The following NSRP1 variants were observed in gnomAD, a reference collection of about 807,000 sequenced individuals.
The protein encoded by NSRP1 is coiled-coil domain containing 55.
A neutral mutation model predicts 54.7 loss-of-function variants in NSRP1; 24 were observed. The observed-to-expected ratio is 0.44, with a 90% CI of 0.32 to 0.62. The LOEUF (loss-of-function observed/expected upper bound fraction) is 0.62, where lower values mean the gene tolerates loss of function less well. Ranked by LOEUF, NSRP1 falls within the 20% of genes least tolerant of loss-of-function variation. The probability of loss-of-function intolerance (pLI) is 0.06; values close to 1 mark genes in which losing one functional copy is unlikely to be tolerated. For missense variants in NSRP1, 596 were observed against 651.2 expected, an observed-to-expected ratio of 0.92 and a Z score of 0.92; for synonymous variants, 210 against 213.8, an observed-to-expected ratio of 0.98 and a Z score of 0.15.
intron 2 of NSRP1, among the ~76,000 whole-genome samples, chr17:30,136,193 T>C (rs1156696906): frequency 6.6e-6 from 1 of 152,062 alleles, no homozygotes. Flanking sequence ...AAAAGAGTAT[T>C]GGGTATGATA....
intron 2 of NSRP1, among the ~76,000 whole-genome samples, chr17:30,134,038 ACT>A (rs2071726326): frequency 6.6e-6 from 1 of 152,110 alleles, no homozygotes; most frequent in South Asian, 2.1e-4. Context: ...GAAACCTGCT[ACT>A]CTTTCTTTCA....
At chr17:30,138,923 T>TTTTG (rs2071776350) in intron 2 of NSRP1, among the ~76,000 whole-genome samples, 1 of 131,230 alleles carries the variant, frequency 7.6e-6, no homozygotes, top group Non-Finnish European at 1.7e-5. Context: ...TTTTTTTTTT[T>TTTTG]TTTTTTTTTT....
intron 2 of NSRP1, among the ~76,000 whole-genome samples, chr17:30,152,903 C>CTTTTTTTTTTTTT (rs60246615): frequency 1.9e-4 from 9 of 46,920 alleles, no homozygotes; most frequent in Non-Finnish European, 2.3e-4. Context: ...TTATTTTCAG[C>CTTTTTTTTTTTTT]TTTTTTTTTT....
intron 2 of NSRP1, among the ~76,000 whole-genome samples, chr17:30,158,985 T>G (rs1904416060): frequency 6.6e-6 from 1 of 152,240 alleles, no homozygotes; most frequent in Admixed American, 6.5e-5. Context: ...TTGTTTGTTC[T>G]AGTTCTGTGA....
intron 6 of NSRP1, among the ~76,000 whole-genome samples, chr17:30,182,350 G>GTAAA (rs1284625553): frequency 6.6e-6 from 1 of 152,122 alleles, no homozygotes; most frequent in African/African-American, 2.4e-5. Context: ...TTAATTTAAA[G>GTAAA]TAAATAAAGT....
chr17:30,167,049 C>G (rs1216041405), intron 2 of NSRP1, among the ~76,000 whole-genome samples: 3 of 152,138 alleles, frequency 2.0e-5, no homozygotes, highest in African/African-American at 7.2e-5. Context: ...CCTCACTTAC[C>G]CTTCCCAGTC....
intron 2 of NSRP1, among the ~76,000 whole-genome samples, chr17:30,135,279 C>T (rs1206959801): frequency 6.6e-6 from 1 of 151,834 alleles, no homozygotes; most frequent in East Asian, 1.9e-4. Context: ...CCACCATGCC[C>T]AGCTAATTTT....
rs1206676661 is a variant in NSRP1, at chr17:30,179,192, G to C, written c.403G>C (p.Gly135Arg). 6.2e-7 allele frequency: 1 copy of C among 1,611,484 alleles called. No homozygotes were observed. The highest frequency in any genetic ancestry group is 1.1e-5 in the South Asian group (1 of 90,516). ...ACAGAGAGAACGAGAAATGGAAAAGGGGGAGTTTGATGATAAAGAAGCATT... is the reference window on the plus strand; with the variant it reads ...ACAGAGAGAACGAGAAATGGAAAAGCGGGAGTTTGATGATAAAGAAGCATT... ...KIQREREMEKGEFDDKEAFVT... is the reference protein window; with the variant it reads ...KIQREREMEKREFDDKEAFVT... Residue 135 changes from glycine to arginine, a missense_variant, in exon 5 of 7, where the codon GGG becomes CGG. Transcript: ENST00000247026.
intron 2 of NSRP1, among the ~76,000 whole-genome samples, chr17:30,157,311 T>G (rs1031352400): frequency 2.0e-5 from 3 of 152,190 alleles, no homozygotes; most frequent in African/African-American, 7.2e-5. Flanking sequence ...ATTGCCCACT[T>G]TTTTCCCCTT....
chr17:30,158,599 C>T (rs1904400316), intron 2 of NSRP1, among the ~76,000 whole-genome samples: 1 of 151,822 alleles, frequency 6.6e-6, no homozygotes, highest in African/African-American at 2.4e-5. Flanking sequence ...AGTTTGGGGC[C>T]TTATCTTAAG....
chr17:30,152,592 G>C (rs542541413), intron 2 of NSRP1, among the ~76,000 whole-genome samples: 32 of 151,822 alleles, frequency 2.1e-4, no homozygotes, highest in African/African-American at 7.7e-4. Context: ...TTTTGCAAAG[G>C]GGGTAAGGTA....
intron 4 of NSRP1, 22 bp from the exon 5 acceptor site, chr17:30,179,068 T>G: frequency 7.1e-7 from 1 of 1,401,774 alleles, no homozygotes; most frequent in Admixed American, 2.8e-5. Flanking sequence ...ACTCTTTTCC[T>G]AAATCTTTTT....
At chr17:30,163,243 G>GTGTA (rs1904598591) in intron 2 of NSRP1, 1 of 117,142 alleles carries the variant, frequency 8.5e-6, no homozygotes, top group Non-Finnish European at 1.7e-5. Flanking sequence ...GTGTGTGTGT[G>GTGTA]TGTGTTTTTA....
At chr17:30,125,500 G>A (rs562928724) in intron 2 of NSRP1, among the ~76,000 whole-genome samples, 8 of 152,312 alleles carry the variant, frequency 5.3e-5, no homozygotes, top group Middle Eastern at 3.4e-3. Context: ...TCCAGGGTTA[G>A]TTTAGTGGGA....
Position 30,128,148 on chromosome 17 carries a change from G to T in NSRP1, c.114+9975G>T, listed in dbSNP as rs1433159590. On this transcript the variant is annotated intron_variant, in intron 2 of 6. Coordinates refer to ENST00000247026, the MANE Select transcript of NSRP1 (RefSeq NM_032141.4). ...GCCACTGCACCTGGCTGTGAACTTA[G>T]TATGTGTATATATGTATATGTAGTT... The T allele has an allele frequency of 1.5e-5, 4 of 269,826 alleles. No individual in the cohort carries two copies. The South Asian group carries it at 6.8e-4, about 46-fold the overall frequency. 16.7% of individuals were successfully genotyped at this position (269,826 alleles called of 1,614,324 possible). A position where few individuals can be genotyped will look rare whatever the true frequency, so the allele number is the denominator to read the frequency against.
chr17:30,135,466 T>TTTTTG (rs751701266), intron 2 of NSRP1, among the ~76,000 whole-genome samples: 14 of 150,444 alleles, frequency 9.3e-5, no homozygotes, highest in African/African-American at 2.4e-4. Context: ...TGGCACCAGT[T>TTTTTG]TTTTGTTTTG....
At chr17:30,181,575 T>C (rs1385331870) in intron 6 of NSRP1, among the ~76,000 whole-genome samples, 1 of 149,068 alleles carries the variant, frequency 6.7e-6, no homozygotes, top group Non-Finnish European at 1.5e-5. Flanking sequence ...TTGTGTTTTT[T>C]GTTGTTGTTG....
At position 30,179,848 on chromosome 17, in the gene NSRP1, C is replaced by CT. The variant is rs560454110; in HGVS notation, c.508+561dup. 1.4e-3 allele frequency among the ~76,000 whole-genome samples: 209 copies of CT among 149,548 alleles called. 6 individuals are homozygous for CT. In the South Asian group the frequency reaches 0.036, roughly 26 times the overall value. On this transcript the variant is annotated intron_variant, in intron 5 of 6. Transcript: ENST00000247026. ...AAGTAGAATATGTATTTATAAAATA[C>CT]TTTTTTTTTTGAGACTGGGTCTCTG...
At chr17:30,172,496 A>C in intron 2 of NSRP1, 46 bp from the exon 3 acceptor site, 2 of 1,518,616 alleles carry the variant, frequency 1.3e-6, no homozygotes, top group Non-Finnish European at 1.8e-6. Context: ...CTGGAAAAGA[A>C]ATTTTAAATT....
Sources: gnomAD v4.1 joint callset for allele counts (sites outside exome capture counted in the v4.1 genomes callset) on GRCh38, gnomAD v4.1.1 for gene constraint, MANE v1.5 for transcripts, NCBI Gene and HGNC (gene_info 2026-07-23, HGNC 2026-07-21) for gene names.